The following ANXA4 variants were observed in gnomAD, a reference collection of about 807,000 sequenced individuals.
The protein encoded by ANXA4 is annexin A4, also known as 35-beta calcimedin.
A neutral mutation model predicts 49.8 loss-of-function variants in ANXA4; 39 were observed. The ratio of observed to expected loss-of-function variants is 0.78; its 90% CI spans 0.61 to 1.02. The LOEUF (loss-of-function observed/expected upper bound fraction) is 1.02, where lower values mean the gene tolerates loss of function less well. Among genes scored for constraint, ANXA4 ranks in the 50% least tolerant of loss-of-function variants. The pLI is 0.00. For missense variants in ANXA4, 360 were observed against 410.1 expected, an observed-to-expected ratio of 0.88 and a Z score of 1.05; for synonymous variants, 134 against 152.5, an observed-to-expected ratio of 0.88 and a Z score of 0.89.
chr2:69,694,497 C>T (rs2105377931), intron 2 of ANXA4, among the ~76,000 whole-genome samples: 1 of 148,032 alleles, frequency 6.8e-6, no homozygotes, highest in African/African-American at 2.5e-5. Context: ...GGTATATCTC[C>T]TAATGCTATC....
intron 2 of ANXA4, among the ~76,000 whole-genome samples, chr2:69,657,861 T>G (rs957493926): frequency 2.3e-4 from 35 of 152,194 alleles, no homozygotes; most frequent in African/African-American, 8.4e-4. Context: ...GATTTAAAAA[T>G]TTTTGTTCAC....
chr2:69,801,085 C>T (rs1165149670), intron 3 of ANXA4, among the ~76,000 whole-genome samples: 4 of 152,120 alleles, frequency 2.6e-5, no homozygotes, highest in Non-Finnish European at 4.4e-5. Flanking sequence ...TCTGACAGTC[C>T]CTACCCCAGT....
chr2:69,746,486 T>G (rs1288216101), intron 1 of ANXA4, among the ~76,000 whole-genome samples: 5 of 152,170 alleles, frequency 3.3e-5, no homozygotes, highest in African/African-American at 1.2e-4. Flanking sequence ...ACTGAATAGA[T>G]TACTACATTA....
intron 2 of ANXA4, among the ~76,000 whole-genome samples, chr2:69,673,687 GACACACACACAC>G (rs72114703): frequency 9.1e-4 from 127 of 139,222 alleles, no homozygotes; most frequent in Non-Finnish European, 1.5e-3. Flanking sequence ...TTTTTTCAAA[GACACACACACAC>G]ACACACACAC....
At chr2:69,814,342 CTTTTTT>C (rs781253870) in intron 8 of ANXA4, among the ~76,000 whole-genome samples, 2 of 97,312 alleles carry the variant, frequency 2.1e-5, no homozygotes, top group Non-Finnish European at 3.7e-5. Context: ...GTATTTTATT[CTTTTTT>C]TTTTTTTTTT....
rs548708490 is a variant in ANXA4 at position 69,734,279 on chromosome 2, C to A, written n.864+13408C>A. 3.9e-5 allele frequency among the ~76,000 whole-genome samples: 6 copies of A among 152,336 alleles called. No homozygotes were observed. In the South Asian group the frequency reaches 1.2e-3, roughly 32 times the overall value. ...GAGACTACCATTGCCAATATTGTAACAGTGAGAGAAATCGAACATAGCTGA... is the reference window on the plus strand; with the variant it reads ...GAGACTACCATTGCCAATATTGTAAAAGTGAGAGAAATCGAACATAGCTGA... On this transcript the variant is annotated intron_variant and non_coding_transcript_variant, in intron 3 of 3. Transcript: ENST00000418066.
chr2:69,745,885 A>C (rs996243336), intron 1 of ANXA4, among the ~76,000 whole-genome samples: 1 of 152,134 alleles, frequency 6.6e-6, no homozygotes, highest in Admixed American at 6.5e-5. Flanking sequence ...TCATAAATTG[A>C]ATAAAGCATT....
At chr2:69,758,227 G>A (rs1022977316) in intron 1 of ANXA4, among the ~76,000 whole-genome samples, 11 of 152,166 alleles carry the variant, frequency 7.2e-5, no homozygotes, top group African/African-American at 2.2e-4. Context: ...TCGCCAGGCT[G>A]GTCTTGAACT....
chr2:69,819,630 T>C (rs1430410691), intron 11 of ANXA4, among the ~76,000 whole-genome samples: 1 of 152,156 alleles, frequency 6.6e-6, no homozygotes, highest in Non-Finnish European at 1.5e-5. Context: ...AGAAAGGATA[T>C]GCAGTTTGCC....
At chr2:69,812,975 GAATCCC>G in intron 8 of ANXA4, among the ~76,000 whole-genome samples, 1 of 152,234 alleles carries the variant, frequency 6.6e-6, no homozygotes, top group East Asian at 1.9e-4. Flanking sequence ...ACTGTCTTCC[GAATCCC>G]GTGGAGGTGA....
intron 2 of ANXA4, among the ~76,000 whole-genome samples, chr2:69,786,878 T>A (rs887877928): frequency 6.6e-6 from 1 of 151,858 alleles, no homozygotes; most frequent in African/African-American, 2.4e-5. Context: ...TGTGCCACCA[T>A]GTGTAGCTAA....
chr2:69,812,405 C>T (rs1186837295), intron 7 of ANXA4, among the ~76,000 whole-genome samples: 1 of 152,126 alleles, frequency 6.6e-6, no homozygotes. Context: ...TGGGAAGCTT[C>T]TCCTGCTATT....
At chr2:69,647,282 C>T (rs1676041008) in intron 1 of ANXA4, among the ~76,000 whole-genome samples, 1 of 152,084 alleles carries the variant, frequency 6.6e-6, no homozygotes, top group African/African-American at 2.4e-5. Context: ...GCTCCCCTCT[C>T]CAAATTTATA....
intron 3 of ANXA4, among the ~76,000 whole-genome samples, chr2:69,792,618 T>A (rs1672740363): frequency 6.6e-6 from 1 of 152,212 alleles, no homozygotes; most frequent in South Asian, 2.1e-4. Flanking sequence ...AGTTTTTTTT[T>A]ACAATTTGCT....
chr2:69,717,484 C>G (rs1669676330), intron 2 of ANXA4, among the ~76,000 whole-genome samples: 1 of 152,150 alleles, frequency 6.6e-6, no homozygotes, highest in Non-Finnish European at 1.5e-5. Context: ...GTAACAAAGG[C>G]CTCCCTCTCC....
chr2:69,660,992 A>G (rs1414855515), intron 2 of ANXA4, among the ~76,000 whole-genome samples: 1 of 152,176 alleles, frequency 6.6e-6, no homozygotes, highest in African/African-American at 2.4e-5. Context: ...ACATATAGCT[A>G]CATTTACTGA....
chr2:69,705,117 A>G lies in ANXA4; in HGVS notation n.767-15657A>G, dbSNP rs1678446186. 5.9e-5 allele frequency among the ~76,000 whole-genome samples: 9 copies of G among 151,858 alleles called. No individual in the cohort carries two copies. The South Asian group carries it at 1.9e-3, about 32-fold the overall frequency. On this transcript the variant is annotated intron_variant and non_coding_transcript_variant, in intron 2 of 3. Transcript: ENST00000418066. ...CCTGGGTGACATAGAGAGACTGCCC[A>G]CTACTTCTACAAAAATAAAAAATAA...
chr2:69,648,939 G>T (rs1353302996), intron 1 of ANXA4, among the ~76,000 whole-genome samples: 11 of 136,166 alleles, frequency 8.1e-5, no homozygotes, highest in African/African-American at 3.2e-4. Context: ...AGGCTGGAGT[G>T]CAATGGCACA....
chr2:69,816,163 C>T lies in ANXA4; in HGVS notation c.597C>T (p.Leu199=), dbSNP rs539646974. Residue 199 remains leucine (L), a synonymous_variant, in exon 9 of 13, where the codon CTC becomes CTT. Coordinates refer to ENST00000394295, the MANE Select transcript of ANXA4 (RefSeq NM_001153.5). ...GTDEVKFLTV[L]CSRNRNHLLH... ...ATGAGGTGAAATTTCTAACTGTTCT[C>T]TGTTCCCGGAACCGAAATCACCTGT... 6.2e-7 allele frequency: 1 copy of T among 1,614,144 alleles called. No individual in the cohort carries two copies. The highest frequency in any genetic ancestry group is 2.2e-5 in the East Asian group (1 of 44,884).
Sources: gnomAD v4.1 joint callset for allele counts (sites outside exome capture counted in the v4.1 genomes callset) on GRCh38, gnomAD v4.1.1 for gene constraint, MANE v1.5 for transcripts, NCBI Gene and HGNC (gene_info 2026-07-23, HGNC 2026-07-21) for gene names.